ZFYVE9: variants seen among roughly 807,000 people sequenced by gnomAD.
ZFYVE9 encodes zinc finger FYVE domain-containing protein 9.
ZFYVE9 carries 43 observed loss-of-function variants against 126.7 expected under a neutral mutation model. That is an observed-to-expected ratio of 0.34 (90% confidence interval 0.27 to 0.44). The LOEUF (loss-of-function observed/expected upper bound fraction) is 0.44, where lower values mean the gene tolerates loss of function less well. Ranked by LOEUF, ZFYVE9 falls within the 20% of genes least tolerant of loss-of-function variation. The probability of loss-of-function intolerance (pLI) is 1.00; values close to 1 mark genes in which losing one functional copy is unlikely to be tolerated. For missense variants in ZFYVE9, 1,476 were observed against 1,697.0 expected, an observed-to-expected ratio of 0.87 and a Z score of 2.29; for synonymous variants, 521 against 597.4, an observed-to-expected ratio of 0.87 and a Z score of 1.87.
rs140684391 is a variant in ZFYVE9, at chr1:52,235,310, A to G, written c.70+2034A>G. ...TTTTCTCATTTAAATGAAAAAATATACCACAGACTGTGATGACACTGGGCA... is the reference window on the plus strand; with the variant it reads ...TTTTCTCATTTAAATGAAAAAATATGCCACAGACTGTGATGACACTGGGCA... On this transcript the variant is annotated intron_variant, in intron 3 of 18. Coordinates refer to ENST00000287727, the MANE Select transcript of ZFYVE9 (RefSeq NM_004799.4). Among the ~76,000 whole-genome samples the G allele has an allele frequency of 7.0e-4, 106 of 152,354 alleles. No homozygotes were observed. In the East Asian group the frequency reaches 0.018, roughly 25 times the overall value.
chr1:52,252,947 C>T lies in ZFYVE9; in HGVS notation c.2179-10826C>T, dbSNP rs547259172. 2.6e-5 allele frequency among the ~76,000 whole-genome samples: 4 copies of T among 152,304 alleles called. No individual in the cohort carries two copies. The East Asian group carries it at 7.7e-4, about 29-fold the overall frequency. On this transcript the variant is annotated intron_variant, in intron 4 of 18. Transcript: ENST00000287727. ...TTGAAAAACAGTCTAGGTGCGGTGG[C>T]TCACGCCTGTAATCCCAGCACTTTG...
chr1:52,266,084 A>G (rs1645630011), intron 5 of ZFYVE9, among the ~76,000 whole-genome samples: 1 of 152,100 alleles, frequency 6.6e-6, no homozygotes. Context: ...TATCAGAAGT[A>G]TCCTATAATT....
At chr1:52,147,240 T>C (rs1469071354) in intron 1 of ZFYVE9, among the ~76,000 whole-genome samples, 2 of 152,254 alleles carry the variant, frequency 1.3e-5, no homozygotes, top group Admixed American at 6.5e-5. Context: ...TTAATACTTA[T>C]ATTTTTCTTT....
intron 8 of ZFYVE9, among the ~76,000 whole-genome samples, chr1:52,275,230 T>G (rs937056566): frequency 3.3e-5 from 5 of 152,168 alleles, no homozygotes; most frequent in African/African-American, 9.6e-5. Context: ...TGGGTAATTT[T>G]TTTTTGTTTT....
rs145438220 is a variant in ZFYVE9, at chr1:52,223,926, G to A, written c.-37+7452G>A. ...TCCTTTCCTGAGAAGAGAATAACTA[G>A]GATAGACATTAATTCAGCCCAAGTG... On this transcript the variant is annotated intron_variant, in intron 2 of 18. Coordinates refer to ENST00000287727, the MANE Select transcript of ZFYVE9 (RefSeq NM_004799.4). 1.7e-3 allele frequency among the ~76,000 whole-genome samples: 252 copies of A among 152,328 alleles called. 2 individuals carry two copies. The highest frequency in any genetic ancestry group is 5.7e-3 in the African/African-American group (238 of 41,572).
chr1:52,204,418 G>T (rs1161969339), intron 1 of ZFYVE9, among the ~76,000 whole-genome samples: 1 of 151,968 alleles, frequency 6.6e-6, no homozygotes, highest in African/African-American at 2.4e-5. Context: ...TCTGCTGAGG[G>T]CAGACCGTAT....
At chr1:52,220,857 C>T (rs547988781) in intron 2 of ZFYVE9, among the ~76,000 whole-genome samples, 18 of 152,236 alleles carry the variant, frequency 1.2e-4, no homozygotes, top group Admixed American at 2.0e-4. Context: ...GGTGCCTTTT[C>T]AGAAGAGGCA....
At chr1:52,184,312 C>T (rs1644743931) in intron 1 of ZFYVE9, among the ~76,000 whole-genome samples, 1 of 148,572 alleles carries the variant, frequency 6.7e-6, no homozygotes, top group Non-Finnish European at 1.5e-5. Flanking sequence ...GCAACCTCTG[C>T]CTCCTGGGTT....
chr1:52,313,931 A>G (rs1182312123), intron 13 of ZFYVE9, among the ~76,000 whole-genome samples: 1 of 152,244 alleles, frequency 6.6e-6, no homozygotes, highest in African/African-American at 2.4e-5. Context: ...TGAAACACAG[A>G]GAAAAGGCTG....
chr1:52,146,810 G>A (rs1265518096), intron 1 of ZFYVE9, among the ~76,000 whole-genome samples: 4 of 152,164 alleles, frequency 2.6e-5, no homozygotes, highest in African/African-American at 4.8e-5. Flanking sequence ...AGTAGAATTA[G>A]CATTTAGTTA....
chr1:52,182,613 G>C (rs574798852), intron 1 of ZFYVE9, among the ~76,000 whole-genome samples: 1 of 151,882 alleles, frequency 6.6e-6, no homozygotes, highest in Non-Finnish European at 1.5e-5. Context: ...CAAACACTGC[G>C]GAAGGCTGCA....
intron 13 of ZFYVE9, among the ~76,000 whole-genome samples, chr1:52,329,311 C>G (rs191358605): frequency 1.3e-5 from 2 of 151,980 alleles, no homozygotes; most frequent in African/African-American, 4.8e-5. Context: ...TAAAACTTAC[C>G]CTTACCTCAC....
chr1:52,265,289 C>T (rs928095805), intron 5 of ZFYVE9, among the ~76,000 whole-genome samples: 1 of 152,100 alleles, frequency 6.6e-6, no homozygotes, highest in Non-Finnish European at 1.5e-5. Flanking sequence ...CTCCTTTTCT[C>T]TTCCTCCCCT....
intron 17 of ZFYVE9, among the ~76,000 whole-genome samples, chr1:52,342,153 T>G (rs541486305): frequency 3.9e-5 from 6 of 152,336 alleles, no homozygotes; most frequent in Non-Finnish European, 8.8e-5. Flanking sequence ...GTACGGGGCT[T>G]CGGAGCTGCC....
chr1:52,250,314 A>T (rs1013557319), intron 4 of ZFYVE9, among the ~76,000 whole-genome samples: 54 of 151,860 alleles, frequency 3.6e-4, no homozygotes, highest in African/African-American at 1.2e-3. Context: ...TGTAGTTTTC[A>T]CTGTACAGTA....
intron 1 of ZFYVE9, among the ~76,000 whole-genome samples, chr1:52,169,661 T>C (rs1366995818): frequency 6.6e-6 from 1 of 152,194 alleles, no homozygotes; most frequent in African/African-American, 2.4e-5. Flanking sequence ...TAAAATGTTA[T>C]AATAATAGAG....
chr1:52,343,773 A>G (rs929246952), intron 17 of ZFYVE9, among the ~76,000 whole-genome samples: 16 of 150,138 alleles, frequency 1.1e-4, no homozygotes, highest in Non-Finnish European at 2.2e-4. Context: ...CAAAAAAAAA[A>G]TAAAGTAAGT....
At chr1:52,154,759 C>T (rs1434415006) in intron 1 of ZFYVE9, among the ~76,000 whole-genome samples, 3 of 152,120 alleles carry the variant, frequency 2.0e-5, no homozygotes, top group Non-Finnish European at 4.4e-5. Context: ...ACCAGGTGCA[C>T]GACTCAAAGC....
At chr1:52,182,741 A>C (rs1396337319) in intron 1 of ZFYVE9, among the ~76,000 whole-genome samples, 1 of 150,298 alleles carries the variant, frequency 6.7e-6, no homozygotes, top group Non-Finnish European at 1.5e-5. Flanking sequence ...CCCAAGAATG[A>C]TCAATAAAAA....
Sources: gnomAD v4.1 joint callset for allele counts (sites outside exome capture counted in the v4.1 genomes callset) on GRCh38, gnomAD v4.1.1 for gene constraint, MANE v1.5 for transcripts, NCBI Gene and HGNC (gene_info 2026-07-23, HGNC 2026-07-21) for gene names.